PCDHGA2: variants seen among roughly 807,000 people sequenced by gnomAD.
PCDHGA2 encodes protocadherin gamma-A2.
PCDHGA2 carries 40 observed loss-of-function variants against 59.2 expected under a neutral mutation model. The ratio of observed to expected loss-of-function variants is 0.68; its 90% CI spans 0.52 to 0.88. The LOEUF is 0.88. Ranked by LOEUF, PCDHGA2 falls within the 40% of genes least tolerant of loss-of-function variation. The pLI, the probability that PCDHGA2 is intolerant of heterozygous loss-of-function variation, is 0.00. For missense variants in PCDHGA2, 1,226 were observed against 1,204.0 expected, an observed-to-expected ratio of 1.02 and a Z score of -0.27; for synonymous variants, 560 against 526.0, an observed-to-expected ratio of 1.06 and a Z score of -0.89.
chr5:141,429,861 A>G (rs1483953460), intron 1 of PCDHGA2, among the ~76,000 whole-genome samples: 1 of 152,226 alleles, frequency 6.6e-6, no homozygotes, highest in Non-Finnish European at 1.5e-5. Flanking sequence ...TCTTTGGACT[A>G]CCAATTTTCT....
rs774582698 is a variant in PCDHGA2, at chr5:141,360,234, C to G, written c.2424+18839C>G. 1.9e-6 allele frequency: 3 copies of G among 1,613,870 alleles called. No individual in the cohort carries two copies. In the South Asian group the frequency reaches 3.3e-5, roughly 18 times the overall value. On this transcript the variant is annotated intron_variant, in intron 1 of 3. Coordinates refer to ENST00000394576, the MANE Select transcript of PCDHGA2 (RefSeq NM_018915.4). ...TCCCCGGGGCTCTCCCAGTCCAGAT[C>G]CGCTATTCAATTCCAGAGGAGCTGG...
intron 1 of PCDHGA2, chr5:141,364,421 A>T (rs1290592441): frequency 1.2e-6 from 2 of 1,613,602 alleles, no homozygotes; most frequent in Admixed American, 3.3e-5. Flanking sequence ...ATCCGGGCAG[A>T]TCCGCTACTC....
chr5:141,414,134 A>G, intron 1 of PCDHGA2: 1 of 1,595,028 alleles, frequency 6.3e-7, no homozygotes, highest in Non-Finnish European at 8.5e-7. Flanking sequence ...GGTTTCTATG[A>G]AATAGAAATA....
At chr5:141,389,861 C>T in intron 1 of PCDHGA2, 1 of 1,614,062 alleles carries the variant, frequency 6.2e-7, no homozygotes, top group South Asian at 1.1e-5. Context: ...CCACGTTGCA[C>T]CTGGTCTTCG....
At position 141,433,290 on chromosome 5, in the gene PCDHGA2, C is replaced by T. The variant is rs186668064; in HGVS notation, c.2425-61517C>T. ...CTCACTGCAGCCTCAAACTCCTAGG[C>T]TCAAGCAATTATCCCACCTTTGCCT... On this transcript the variant is annotated intron_variant, in intron 1 of 3. Transcript: ENST00000394576. The T allele has an allele frequency of 1.6e-3, 1,738 of 1,107,746 alleles. 60 individuals carry two copies. In the Admixed American group the frequency reaches 0.041, roughly 26 times the overall value. 68.6% of individuals were successfully genotyped at this position (1,107,746 alleles called of 1,614,324 possible). A position where few individuals can be genotyped will look rare whatever the true frequency, so the allele number is the denominator to read the frequency against.
At chr5:141,429,091 T>A (rs985605582) in intron 1 of PCDHGA2, 2 of 152,160 alleles carry the variant, frequency 1.3e-5, no homozygotes, top group African/African-American at 4.8e-5. Flanking sequence ...CCTGACCTCG[T>A]GATCTGCCCG....
intron 2 of PCDHGA2, among the ~76,000 whole-genome samples, chr5:141,497,879 G>T (rs62379207): frequency 2.0e-5 from 3 of 152,128 alleles, no homozygotes; most frequent in Admixed American, 6.5e-5. Flanking sequence ...TGAAATAAGC[G>T]TTAGGATCTA....
At chr5:141,426,445 A>T (rs2096937062) in intron 1 of PCDHGA2, 1 of 310,256 alleles carries the variant, frequency 3.2e-6, no homozygotes, top group East Asian at 8.0e-5. Context: ...TGCGGAGGAC[A>T]TGCGGCTGCA....
At position 141,339,819 on chromosome 5, in the gene PCDHGA2, A is replaced by G. The variant is rs1756880861; in HGVS notation, c.848A>G (p.Lys283Arg). The G allele has an allele frequency of 3.7e-6, 6 of 1,614,230 alleles. No individual in the cohort carries two copies. The highest frequency in any genetic ancestry group is 5.1e-6 in the Non-Finnish European group (6 of 1,180,038). The change falls in exon 1 of 4, where the codon AAA becomes AGA. Residue 283 changes from lysine (K) to arginine (R), a missense_variant. Coordinates refer to ENST00000394576, the MANE Select transcript of PCDHGA2 (RefSeq NM_018915.4). ...YYAQVVYFLE[K>R]SPGETSEVFE... ...GCTCAAGTGGTATATTTTCTAGAGA[A>G]AAGCCCTGGAGAAACCTCAGAGGTA...
At chr5:141,344,678 T>TG (rs753632432) in intron 1 of PCDHGA2, 1 of 1,614,018 alleles carries the variant, frequency 6.2e-7, no homozygotes, top group South Asian at 1.1e-5. Context: ...TGGTTGCCTC[T>TG]GATGGTGGCG....
At chr5:141,348,176 T>C (rs1489672747) in intron 1 of PCDHGA2, among the ~76,000 whole-genome samples, 1 of 152,218 alleles carries the variant, frequency 6.6e-6, no homozygotes, top group Non-Finnish European at 1.5e-5. Context: ...ATATGTTTTA[T>C]TAGAACTCAA....
chr5:141,404,746 A>T (rs1219726027), intron 1 of PCDHGA2: 2 of 1,613,308 alleles, frequency 1.2e-6, no homozygotes, highest in Admixed American at 3.3e-5. Flanking sequence ...ACAGAGACTC[A>T]GGCCAGAATG....
Position 141,339,991 on chromosome 5 carries a change from GAATGAC to G in PCDHGA2, c.1025_1030del (p.Asp342_Asn343del), listed in dbSNP as rs754877993. 6.4e-5 allele frequency: 104 copies of G among 1,614,048 alleles called. No homozygotes were observed. The African/African-American group carries it at 1.3e-3, about 20-fold the overall frequency. ...AGGTTATCGTCACGGTTCTGGATGT[GAATGAC>G]AATGCCCCAGAATTTTACATGACAT... On this transcript the variant is annotated inframe_deletion, in exon 1 of 4. Transcript: ENST00000394576.
At chr5:141,375,266 G>A in intron 1 of PCDHGA2, 1 of 1,613,846 alleles carries the variant, frequency 6.2e-7, no homozygotes, top group Non-Finnish European at 8.5e-7. Flanking sequence ...ATTTGAATTG[G>A]AAAAATCAGT....
At position 141,477,269 on chromosome 5, in the gene PCDHGA2, G is replaced by A; in HGVS notation, c.2425-17538G>A. On this transcript the variant is annotated intron_variant, in intron 1 of 3. Coordinates refer to ENST00000394576, the MANE Select transcript of PCDHGA2 (RefSeq NM_018915.4). This position sits in a 1 kb window ranked among gnomAD's most constrained non-coding sequence, Gnocchi z 4.9. Reference sequence around the variant, plus strand: ...GACTGACCTGGATGCTGGCGAGAACGGGCTGGTGACCTGCGAAGTTCCACC... The same window carrying A: ...GACTGACCTGGATGCTGGCGAGAACAGGCTGGTGACCTGCGAAGTTCCACC... 1.9e-6 allele frequency: 3 copies of A among 1,614,154 alleles called. No individual in the cohort carries two copies. Among genetic ancestry groups the A allele is most frequent in the Non-Finnish European group, 2.5e-6 (3 of 1,180,030 alleles).
Position 141,361,369 on chromosome 5 carries a change from C to T in PCDHGA2, c.2424+19974C>T, listed in dbSNP as rs768974376. On this transcript the variant is annotated intron_variant, in intron 1 of 3. Transcript: ENST00000394576. ...ACTAGTGACAGACGGCGCTCTGGACCGGGAGGAGATCCCAGAATACAATCT... is the reference window on the plus strand; with the variant it reads ...ACTAGTGACAGACGGCGCTCTGGACTGGGAGGAGATCCCAGAATACAATCT... 5.0e-6 allele frequency: 8 copies of T among 1,613,946 alleles called. 1 individual carries two copies. In the South Asian group the frequency reaches 8.8e-5, roughly 18 times the overall value.
chr5:141,410,174 G>A (rs1369332920), intron 1 of PCDHGA2: 4 of 1,613,588 alleles, frequency 2.5e-6, no homozygotes, highest in East Asian at 2.2e-5. Flanking sequence ...CTCTGCCACC[G>A]CCACGCTTCA....
Position 141,493,034 on chromosome 5 carries a change from G to A in PCDHGA2, c.2425-1773G>A, listed in dbSNP as rs75211372. 6.6e-6 allele frequency among the ~76,000 whole-genome samples: 1 copy of A among 152,230 alleles called. No homozygotes were observed. Among genetic ancestry groups the A allele is most frequent in the African/African-American group, 2.4e-5 (1 of 41,458 alleles). On this transcript the variant is annotated intron_variant, in intron 1 of 3. Transcript: ENST00000394576. This position sits in a 1 kb window ranked among gnomAD's most constrained non-coding sequence, Gnocchi z 4.3. ...GCCAGATGCCAGGGTGCCCTTATGTGTGAGGAAACTACAATAGTAAAAAAC... is the reference window on the plus strand; with the variant it reads ...GCCAGATGCCAGGGTGCCCTTATGTATGAGGAAACTACAATAGTAAAAAAC...
chr5:141,389,157 C>T lies in PCDHGA2; in HGVS notation c.2424+47762C>T, dbSNP rs192156139. The T allele has an allele frequency of 2.5e-6, 4 of 1,613,976 alleles. No homozygotes were observed. The East Asian group carries it at 6.7e-5, about 27-fold the overall frequency. ...CAATATAACCGTTACGGCAACAGAT[C>T]GGGGCAAGCCTCCCCTCTCCTCCAG... is the stretch of plus-strand genomic sequence containing the variant. On this transcript the variant is annotated intron_variant, in intron 1 of 3. Coordinates refer to ENST00000394576, the MANE Select transcript of PCDHGA2 (RefSeq NM_018915.4).
Sources: gnomAD v4.1 joint callset for allele counts (sites outside exome capture counted in the v4.1 genomes callset) on GRCh38, gnomAD v4.1.1 for gene constraint, Gnocchi (gnomAD v3.1) non-coding constraint, MANE v1.5 for transcripts, NCBI Gene and HGNC (gene_info 2026-07-23, HGNC 2026-07-21) for gene names.